The following PTGR1 variants were observed in gnomAD, a reference collection of about 807,000 sequenced individuals.
PTGR1 encodes the protein 15-oxoprostaglandin 13-reductase.
Under a neutral mutation model 37.7 loss-of-function variants are expected in PTGR1, and 23 were observed. The observed-to-expected ratio is 0.61, with a 90% confidence interval of 0.44 to 0.86. PTGR1 has a LOEUF of 0.86. Among genes scored for constraint, PTGR1 ranks in the 40% least tolerant of loss-of-function variants. The pLI is 0.00. For synonymous variants in PTGR1, 134 were observed against 140.0 expected (o/e 0.96, Z 0.30); for missense variants, 351 against 394.3 (o/e 0.89, Z 0.93).
At chr9:111,561,139 GAGAGAGAGGGAGAGA>G (rs1564608047), downstream of PTGR1, among the ~76,000 whole-genome samples, 109 of 15,556 alleles carry the variant, frequency 7.0e-3, 8 homozygotes, top group South Asian at 0.014. Context: ...AGAGAGAGAG[GAGAGAGAGGGAGAGA>G]GAGAGAGAGA....
At position 111,585,995 on chromosome 9, in the gene PTGR1, C is replaced by A. The variant is rs377508121; in HGVS notation, c.377+3G>T. 8.5e-5 allele frequency: 137 copies of A among 1,613,838 alleles called. No individual in the cohort carries two copies. The African/African-American group carries it at 1.4e-3, about 16-fold the overall frequency. On this transcript the variant is annotated splice_donor_region_variant and intron_variant, in intron 5 of 9. Transcript: ENST00000407693. ...ACAAATGGAATATATCCATGAAACT[C>A]ACCCTGGCATGCCAACTGTCCCCAG...
intron 7 of PTGR1, among the ~76,000 whole-genome samples, chr9:111,575,758 G>A (rs967236556): frequency 3.3e-5 from 5 of 152,006 alleles, no homozygotes; most frequent in South Asian, 4.2e-4. Context: ...AAAATGCATC[G>A]TAGACCTGAA....
chr9:111,557,989 A>T (rs113093619), downstream of PTGR1, among the ~76,000 whole-genome samples: 6,615 of 152,260 alleles, frequency 0.043, 194 homozygotes, highest in Non-Finnish European at 0.066. Context: ...TCTACTAAAA[A>T]TACAAAAATT....
At chr9:111,573,813 G>A (rs1308160296) in intron 8 of PTGR1, among the ~76,000 whole-genome samples, 1 of 152,146 alleles carries the variant, frequency 6.6e-6, no homozygotes, top group Non-Finnish European at 1.5e-5. Context: ...TTCTCTGGTT[G>A]ATACTGCTTT....
chr9:111,584,182 G>T (rs111671993), intron 5 of PTGR1, among the ~76,000 whole-genome samples: 2,041 of 152,288 alleles, frequency 0.013, 52 homozygotes, highest in African/African-American at 0.044. Context: ...GTACTGATGG[G>T]GACTGGGTGA....
intron 7 of PTGR1, chr9:111,577,192 C>T (rs1341033934): frequency 6.6e-6 from 1 of 152,018 alleles, no homozygotes; most frequent in Non-Finnish European, 1.5e-5. Context: ...ATGGCAAATA[C>T]ATACGTTGAA....
In PTGR1 at chr9:111,592,977, G is replaced by A. The variant is rs1234673892; in HGVS notation, c.158C>T (p.Ala53Val). Reference sequence around the variant, plus strand: ...ATCACCTTCCTTCAATCTTTTGGCTGCCACTCTGCAAAAAAAAAAAAAAAA... The same window carrying A: ...ATCACCTTCCTTCAATCTTTTGGCTACCACTCTGCAAAAAAAAAAAAAAAA... ...FLTVDPYMRV[A>V]AKRLKEGDTM... is the part of the protein sequence containing the mutation. Residue 53 changes from alanine (A) to valine (V), a missense_variant, in exon 4 of 10, where the codon GCA becomes GTA. By Grantham distance (64) the Ala-to-Val change is moderately conservative. Transcript: ENST00000407693. 2 of 1,146,338 alleles carry A rather than the reference G, an allele frequency of 1.7e-6. No homozygotes were observed. The highest frequency in any genetic ancestry group is 2.4e-6 in the Non-Finnish European group (2 of 849,254). 71.0% of individuals were successfully genotyped at this position (1,146,338 alleles called of 1,614,324 possible).
chr9:111,593,102 G>A (rs1433360027), intron 3 of PTGR1, 120 bp from the exon 4 acceptor site: 1 of 1,422,484 alleles, frequency 7.0e-7, no homozygotes, highest in African/African-American at 1.5e-5. Context: ...AAAACTGCTG[G>A]ATAAGTGTAT....
In PTGR1 at chr9:111,574,977, G is replaced by T. The variant is rs1828995602; in HGVS notation, c.652-135C>A. On this transcript the variant is annotated intron_variant, in intron 7 of 9. Transcript: ENST00000407693. ...CTGACTGAATTAGCCCAACAGTGCA[G>T]AAGACTGCAGTTAGAAAAAGACATT... 5 of 650,072 alleles carry T rather than the reference G, an allele frequency of 7.7e-6. No individual in the cohort carries two copies. In the East Asian group the frequency reaches 1.5e-4, roughly 20 times the overall value. 40.3% of individuals were successfully genotyped at this position (650,072 alleles called of 1,614,324 possible).
rs1370309030 is a variant in PTGR1, at chr9:111,549,829, T to C, written c.880-30A>G. ...CAACACAATCAGAACATTTAGCTCT[T>C]TGAGCATCTTTAAGGCAGTTGCTTT... On this transcript the variant is annotated intron_variant, in intron 9 of 9. Transcript: ENST00000538962. 7.9e-6 allele frequency: 11 copies of C among 1,398,430 alleles called. No individual in the cohort carries two copies. The East Asian group carries it at 2.5e-4, about 32-fold the overall frequency. 86.6% of individuals were successfully genotyped at this position (1,398,430 alleles called of 1,614,324 possible). A position where few individuals can be genotyped will look rare whatever the true frequency, so the allele number is the denominator to read the frequency against.
chr9:111,564,277 T>TTTATTG (rs138247149), intron 9 of PTGR1: 2 of 480,062 alleles, frequency 4.2e-6, no homozygotes, highest in African/African-American at 4.7e-5. Flanking sequence ...AATTTAAACT[T>TTTATTG]TTATTATTAT....
rs1828967642 is a variant in PTGR1, at chr9:111,574,452, A to G, written c.760+282T>C. ...GCAGCCTCGCCTCCCAGGCTCAAGC[A>G]ATCCTCCCACTTCAGCCTCTTGAGT... On this transcript the variant is annotated intron_variant, in intron 8 of 9. Transcript: ENST00000407693. 3 of 180,320 alleles carry G rather than the reference A, an allele frequency of 1.7e-5. No individual in the cohort carries two copies. In the South Asian group the frequency reaches 5.3e-4, roughly 32 times the overall value. 11.2% of individuals were successfully genotyped at this position (180,320 alleles called of 1,614,324 possible).
intron 6 of PTGR1, among the ~76,000 whole-genome samples, chr9:111,582,756 C>CA (rs1277871557): frequency 6.6e-6 from 1 of 152,194 alleles, no homozygotes; most frequent in African/African-American, 2.4e-5. Flanking sequence ...CACTGGAGAC[C>CA]AGTCCAAACC....
chr9:111,562,120 G>A (rs944871988), downstream of PTGR1, among the ~76,000 whole-genome samples: 5 of 152,044 alleles, frequency 3.3e-5, no homozygotes, highest in South Asian at 4.2e-4. Flanking sequence ...TCCTGACCTC[G>A]CCTCCGCCTC....
At chr9:111,555,788 C>G (rs1008047034) in intron 9 of PTGR1, among the ~76,000 whole-genome samples, 4 of 152,328 alleles carry the variant, frequency 2.6e-5, no homozygotes, top group African/African-American at 7.2e-5. Context: ...CACCAGGTCC[C>G]TCCTGCAGCA....
chr9:111,578,719 T>A, intron 7 of PTGR1, 77 bp downstream of exon 7: 2 of 1,338,814 alleles, frequency 1.5e-6, no homozygotes, highest in Non-Finnish European at 2.0e-6. Context: ...TAACCATCCA[T>A]GGCCCAGGGG....
chr9:111,553,367 A>G (rs1828027870), intron 9 of PTGR1, among the ~76,000 whole-genome samples: 1 of 152,188 alleles, frequency 6.6e-6, no homozygotes, highest in Admixed American at 6.5e-5. Flanking sequence ...AAATTTAAAT[A>G]TTTTTTCATT....
rs1369501520 is a variant in PTGR1 at position 111,578,855 on chromosome 9, ACT to A, written c.590_591del (p.Glu197ValfsTer12). The A allele has an allele frequency of 5.6e-6, 9 of 1,611,810 alleles. No homozygotes were observed. Among genetic ancestry groups the A allele is most frequent in the South Asian group, 2.2e-5 (2 of 90,870 alleles). On this transcript the variant is annotated frameshift_variant, in exon 7 of 10. Coordinates refer to ENST00000407693, the MANE Select transcript of PTGR1 (RefSeq NM_001146108.2). LOFTEE classifies it high-confidence loss of function. ...GCTTTCTTCAAGGTTTCTTCCAAAG[ACT>A]CTACCGTCTTGTAGTTAAAGACGAC... Reference protein sequence around the residue: ...FDVVFNYKTVESLEETLKKAS... With the variant: ...FDVVFNYKTVXSLEETLKKAS...
At chr9:111,553,795 A>G (rs1828040852) in intron 9 of PTGR1, among the ~76,000 whole-genome samples, 1 of 152,220 alleles carries the variant, frequency 6.6e-6, no homozygotes, top group Non-Finnish European at 1.5e-5. Context: ...TCCATTTCTC[A>G]CTAGCCTCAA....
Sources: gnomAD v4.1 joint callset for allele counts (sites outside exome capture counted in the v4.1 genomes callset) on GRCh38, gnomAD v4.1.1 for gene constraint, MANE v1.5 for transcripts, NCBI Gene and HGNC (gene_info 2026-07-23, HGNC 2026-07-21) for gene names.